Variants in CADM2 observed in about 807,000 individuals in gnomAD.
The protein encoded by CADM2 is cell adhesion molecule 2.
Under a neutral mutation model 49.8 loss-of-function variants are expected in CADM2, and 12 were observed. The observed-to-expected ratio is 0.24, with a 90% CI of 0.15 to 0.39. The LOEUF (loss-of-function observed/expected upper bound fraction) is 0.39. CADM2 is among the 10% of genes least tolerant of loss of function. The pLI is 1.00. For missense variants in CADM2, 378 were observed against 492.3 expected, an observed-to-expected ratio of 0.77 and a Z score of 2.20; for synonymous variants, 214 against 175.4, an observed-to-expected ratio of 1.22 and a Z score of -1.74.
At chr3:85,161,910 G>C (rs554627317) in intron 1 of CADM2, among the ~76,000 whole-genome samples, 2 of 152,010 alleles carry the variant, frequency 1.3e-5, no homozygotes, top group African/African-American at 4.8e-5. Context: ...CCACCTACTC[G>C]GGAGGCTGAG....
chr3:85,442,930 A>G lies in CADM2; in HGVS notation c.62-283592A>G, dbSNP rs142220655. On this transcript the variant is annotated intron_variant, in intron 1 of 9. Transcript: ENST00000383699. Reference sequence around the variant, plus strand: ...CAATATTTGCTGAGCATTTCTTCTTAATTTCCTGATATATTTAATATATAG... The same window carrying G: ...CAATATTTGCTGAGCATTTCTTCTTGATTTCCTGATATATTTAATATATAG... Among the ~76,000 whole-genome samples the G allele has an allele frequency of 9.1e-3, 1,377 of 151,866 alleles. 18 individuals carry two copies. Among genetic ancestry groups the G allele is most frequent in the African/African-American group, 0.03 (1,250 of 41,446 alleles).
chr3:85,901,163 C>T (rs1044299753), intron 5 of CADM2, among the ~76,000 whole-genome samples: 4 of 152,118 alleles, frequency 2.6e-5, no homozygotes, highest in Admixed American at 1.3e-4. Context: ...CATTGCACTG[C>T]AGCCTGGGTG....
chr3:85,645,768 T>G (rs2064864808), intron 1 of CADM2, among the ~76,000 whole-genome samples: 1 of 151,216 alleles, frequency 6.6e-6, no homozygotes. Context: ...TTAAGAATGA[T>G]ATATTGCCCA....
intron 2 of CADM2, among the ~76,000 whole-genome samples, chr3:85,769,548 CATATATGT>C (rs1183018721): frequency 1.1e-4 from 8 of 73,792 alleles, no homozygotes; most frequent in Admixed American, 3.5e-4. Context: ...CACGTATATA[CATATATGT>C]ATATATACAC....
intron 1 of CADM2, among the ~76,000 whole-genome samples, chr3:84,990,181 G>A (rs2032800994): frequency 6.6e-6 from 1 of 151,568 alleles, no homozygotes; most frequent in Non-Finnish European, 1.5e-5. Flanking sequence ...ATGAGTGCCT[G>A]TATAATTATC....
chr3:85,109,319 A>T (rs1345299039), intron 1 of CADM2, among the ~76,000 whole-genome samples: 1 of 152,016 alleles, frequency 6.6e-6, no homozygotes, highest in South Asian at 2.1e-4. Flanking sequence ...AAAATAGATG[A>T]TAAAGATAGC....
intron 1 of CADM2, among the ~76,000 whole-genome samples, chr3:85,125,883 T>A (rs2039017553): frequency 6.6e-6 from 1 of 152,236 alleles, no homozygotes; most frequent in East Asian, 1.9e-4. Context: ...AAATTCTTTT[T>A]ATCTGTAAAA....
intron 1 of CADM2, among the ~76,000 whole-genome samples, chr3:85,674,609 C>T (rs2065840826): frequency 6.6e-6 from 1 of 152,098 alleles, no homozygotes; most frequent in Non-Finnish European, 1.5e-5. Context: ...ATTATTTAAA[C>T]AGATGAAAGA....
chr3:85,933,390 C>G (rs1301276041), intron 6 of CADM2, among the ~76,000 whole-genome samples: 2 of 152,104 alleles, frequency 1.3e-5, no homozygotes, highest in African/African-American at 2.4e-5. Flanking sequence ...ATAGTGTAAT[C>G]TGCTCAATAA....
intron 1 of CADM2, among the ~76,000 whole-genome samples, chr3:85,473,930 TTC>T (rs1200390076): frequency 1.9e-4 from 29 of 152,138 alleles, no homozygotes; most frequent in Middle Eastern, 6.8e-3. Context: ...TTTATTTATC[TTC>T]TTTTAGCTAG....
chr3:85,624,767 G>A (rs2064075849), intron 1 of CADM2, among the ~76,000 whole-genome samples: 1 of 152,044 alleles, frequency 6.6e-6, no homozygotes, highest in Non-Finnish European at 1.5e-5. Context: ...AAATGCTTCT[G>A]TCTTATGAAT....
At chr3:85,347,814 G>GTT (rs35677942) in intron 1 of CADM2, among the ~76,000 whole-genome samples, 1 of 146,336 alleles carries the variant, frequency 6.8e-6, no homozygotes, top group African/African-American at 2.5e-5. Flanking sequence ...CCAGTTTTTT[G>GTT]TTTTTTTTTT....
At chr3:85,166,809 A>G (rs2040482361) in intron 1 of CADM2, among the ~76,000 whole-genome samples, 1 of 151,952 alleles carries the variant, frequency 6.6e-6, no homozygotes, top group Admixed American at 6.6e-5. Flanking sequence ...CATTTTAAAT[A>G]CTCGGATGAT....
intron 1 of CADM2, among the ~76,000 whole-genome samples, chr3:85,622,800 A>T (rs1315708877): frequency 2.0e-5 from 3 of 152,176 alleles, no homozygotes; most frequent in Non-Finnish European, 2.9e-5. Context: ...TTTCACCAGT[A>T]ATATGTAATA....
intron 1 of CADM2, among the ~76,000 whole-genome samples, chr3:85,153,157 A>C (rs1220312491): frequency 6.6e-6 from 1 of 152,066 alleles, no homozygotes; most frequent in Non-Finnish European, 1.5e-5. Flanking sequence ...TGATTTCTGC[A>C]TTTCCATCAG....
At chr3:85,123,836 T>G (rs998251493) in intron 1 of CADM2, among the ~76,000 whole-genome samples, 1 of 152,190 alleles carries the variant, frequency 6.6e-6, no homozygotes, top group Non-Finnish European at 1.5e-5. Flanking sequence ...ATATTAAATA[T>G]AGTTGGTTTC....
rs189767802 is a variant in CADM2 at position 85,154,592 on chromosome 3, C to G, written c.61+194924C>G. Reference sequence around the variant, plus strand: ...CAGATTCAGGAAATACAGAGAACCCCACAAAGATACTCCTCGAGAAGAGCA... The same window carrying G: ...CAGATTCAGGAAATACAGAGAACCCGACAAAGATACTCCTCGAGAAGAGCA... On this transcript the variant is annotated intron_variant, in intron 1 of 9. Transcript: ENST00000383699. Among the ~76,000 whole-genome samples, 608 of 151,666 alleles carry G rather than the reference C, an allele frequency of 4.0e-3. 2 individuals carry two copies. Among genetic ancestry groups the G allele is most frequent in the Middle Eastern group, 6.8e-3 (2 of 292 alleles).
intron 1 of CADM2, among the ~76,000 whole-genome samples, chr3:84,974,692 TG>T (rs1438224999): frequency 6.6e-6 from 1 of 151,978 alleles, no homozygotes; most frequent in Non-Finnish European, 1.5e-5. Flanking sequence ...AAGTTTATAT[TG>T]ATTTTGTATC....
At chr3:85,222,933 T>C (rs1378993618) in intron 1 of CADM2, among the ~76,000 whole-genome samples, 1 of 152,154 alleles carries the variant, frequency 6.6e-6, no homozygotes, top group East Asian at 1.9e-4. Flanking sequence ...CTCCATTTCA[T>C]AGAACTTTCA....
Sources: allele counts gnomAD v4.1 joint callset (sites outside exome capture counted in the v4.1 genomes callset), GRCh38; gene constraint gnomAD v4.1.1; transcripts MANE v1.5; gene names NCBI Gene and HGNC (gene_info 2026-07-23, HGNC 2026-07-21).